Variants in EXOC4 observed in about 807,000 individuals in gnomAD.
EXOC4 encodes SEC8-like 1.
In EXOC4, 71 loss-of-function variants were observed where a neutral mutation model predicts 107.2. The observed-to-expected ratio is 0.66, with a 90% CI of 0.55 to 0.81. The LOEUF (loss-of-function observed/expected upper bound fraction) is 0.81. Among genes scored for constraint, EXOC4 ranks in the 30% least tolerant of loss-of-function variants. The pLI is 0.00. For missense variants in EXOC4, 1,108 were observed against 1,189.6 expected, an observed-to-expected ratio of 0.93 and a Z score of 1.01; for synonymous variants, 456 against 441.2, an observed-to-expected ratio of 1.03 and a Z score of -0.42.
chr7:133,795,883 C>T (rs78035610), intron 10 of EXOC4, among the ~76,000 whole-genome samples: 3,865 of 152,156 alleles, frequency 0.025, 73 homozygotes, highest in Non-Finnish European at 0.038. Context: ...TTATTATTCA[C>T]GTTTTAAAAA....
chr7:133,823,895 TTA>T lies in EXOC4; in HGVS notation c.1734+6366_1734+6367del, dbSNP rs1157364204. ...TATTATATATATATATATATATATT[TTA>T]TATATATATATATAAATATATATAT... On this transcript the variant is annotated intron_variant, in intron 11 of 17. Coordinates refer to ENST00000253861, the MANE Select transcript of EXOC4 (RefSeq NM_021807.4). 0.011 allele frequency among the ~76,000 whole-genome samples: 201 copies of T among 17,858 alleles called. 7 individuals carry two copies. In the Middle Eastern group the frequency reaches 0.13, roughly 12 times the overall value. 11.7% of individuals were successfully genotyped at this position (17,858 alleles called of 152,430 possible). A position where few individuals can be genotyped will look rare whatever the true frequency, so the allele number is the denominator to read the frequency against.
At chr7:133,268,623 G>GA (rs1241397968) in intron 1 of EXOC4, among the ~76,000 whole-genome samples, 1 of 152,162 alleles carries the variant, frequency 6.6e-6, no homozygotes, top group Non-Finnish European at 1.5e-5. Context: ...CGTCTACACT[G>GA]AAATACAGAG....
chr7:133,789,426 C>G (rs533049845), intron 10 of EXOC4, among the ~76,000 whole-genome samples: 2 of 152,142 alleles, frequency 1.3e-5, no homozygotes, highest in African/African-American at 4.8e-5. Context: ...ATTTTGCTTT[C>G]GATGACTTGT....
chr7:133,294,841 G>T (rs1322586014), intron 3 of EXOC4, among the ~76,000 whole-genome samples: 1 of 152,042 alleles, frequency 6.6e-6, no homozygotes, highest in Non-Finnish European at 1.5e-5. Flanking sequence ...ATGGTGGGTT[G>T]TGAATGTCAG....
At chr7:133,374,469 G>A (rs1796443323) in intron 6 of EXOC4, among the ~76,000 whole-genome samples, 1 of 152,154 alleles carries the variant, frequency 6.6e-6, no homozygotes, top group African/African-American at 2.4e-5. Flanking sequence ...AAAATTACAT[G>A]AATTCCTTGG....
intron 10 of EXOC4, among the ~76,000 whole-genome samples, chr7:133,786,919 CAT>C (rs1420784612): frequency 1.3e-5 from 2 of 152,190 alleles, no homozygotes; most frequent in African/African-American, 4.8e-5. Context: ...TTGTAGAAAA[CAT>C]AAGGAAGTTG....
intron 7 of EXOC4, among the ~76,000 whole-genome samples, chr7:133,454,605 C>T (rs1436814217): frequency 1.3e-5 from 2 of 152,212 alleles, no homozygotes; most frequent in Non-Finnish European, 2.9e-5. Context: ...CCACTGCCTT[C>T]ATTTCTTCTG....
chr7:133,405,392 T>G (rs1797193662), intron 7 of EXOC4, among the ~76,000 whole-genome samples: 1 of 152,164 alleles, frequency 6.6e-6, no homozygotes, highest in Non-Finnish European at 1.5e-5. Context: ...AAACGTTAAA[T>G]TTTTCCCTTT....
chr7:133,350,920 A>G (rs1227884634), intron 5 of EXOC4, among the ~76,000 whole-genome samples: 1 of 152,020 alleles, frequency 6.6e-6, no homozygotes, highest in African/African-American at 2.4e-5. Flanking sequence ...TATATATATT[A>G]TAGCTTTCAT....
At chr7:133,952,490 G>C (rs1434867276) in intron 14 of EXOC4, among the ~76,000 whole-genome samples, 1 of 152,144 alleles carries the variant, frequency 6.6e-6, no homozygotes, top group Non-Finnish European at 1.5e-5. Flanking sequence ...ATGGAAATTT[G>C]TGTTCTTTTT....
chr7:133,558,206 CTTTTCTTTTCTTTTCT>C (rs1800735843), intron 9 of EXOC4, among the ~76,000 whole-genome samples: 1 of 134,382 alleles, frequency 7.4e-6, no homozygotes, highest in South Asian at 2.3e-4. Context: ...CTTTTCTTTT[CTTTTCTTTTCTTTTCT>C]TTTCTTTTCT....
At chr7:133,337,867 A>G (rs1317059065) in intron 5 of EXOC4, among the ~76,000 whole-genome samples, 1 of 152,028 alleles carries the variant, frequency 6.6e-6, no homozygotes, top group Non-Finnish European at 1.5e-5. Flanking sequence ...CCTGGATTCA[A>G]GTAATCCACC....
Position 133,907,681 on chromosome 7 carries a change from A to G in EXOC4, c.1872-9902A>G, listed in dbSNP as rs1382755948. Reference sequence around the variant, plus strand: ...TGGTAAAACCCCATCTCTACTAAATATACAAATATTAGCTGGGCATGGTGG... The same window carrying G: ...TGGTAAAACCCCATCTCTACTAAATGTACAAATATTAGCTGGGCATGGTGG... On this transcript the variant is annotated intron_variant, in intron 12 of 17. Transcript: ENST00000253861. Among the ~76,000 whole-genome samples, 4 of 152,148 alleles carry G rather than the reference A, an allele frequency of 2.6e-5. No individual in the cohort carries two copies. The South Asian group carries it at 6.2e-4, about 24-fold the overall frequency.
At chr7:133,585,296 A>T (rs778994161) in intron 9 of EXOC4, among the ~76,000 whole-genome samples, 1 of 152,206 alleles carries the variant, frequency 6.6e-6, no homozygotes, top group Non-Finnish European at 1.5e-5. Flanking sequence ...TTATGTGTAA[A>T]CTAGACCATG....
chr7:133,807,102 A>G (rs1344392329), intron 10 of EXOC4, among the ~76,000 whole-genome samples: 1 of 152,160 alleles, frequency 6.6e-6, no homozygotes, highest in Non-Finnish European at 1.5e-5. Context: ...TCATATACGC[A>G]GGTTCTGCAG....
At chr7:133,962,066 A>T (rs1236884726) in intron 14 of EXOC4, among the ~76,000 whole-genome samples, 1 of 152,168 alleles carries the variant, frequency 6.6e-6, no homozygotes, top group Non-Finnish European at 1.5e-5. Flanking sequence ...CCTCTTTGCT[A>T]TCTCCTAGCA....
intron 11 of EXOC4, among the ~76,000 whole-genome samples, chr7:133,848,287 G>T (rs1177364877): frequency 2.0e-5 from 3 of 152,024 alleles, no homozygotes; most frequent in Non-Finnish European, 4.4e-5. Flanking sequence ...ATGCCCCCAG[G>T]GTCTGTGATA....
At chr7:133,822,344 A>T (rs1475307154) in intron 11 of EXOC4, among the ~76,000 whole-genome samples, 1 of 152,168 alleles carries the variant, frequency 6.6e-6, no homozygotes, top group Non-Finnish European at 1.5e-5. Flanking sequence ...TGATTTGGAG[A>T]TGCCATTTAA....
intron 7 of EXOC4, among the ~76,000 whole-genome samples, chr7:133,394,494 AGCAT>A (rs1796927090): frequency 6.6e-6 from 1 of 152,160 alleles, no homozygotes; most frequent in African/African-American, 2.4e-5. Flanking sequence ...AGTTAATCAG[AGCAT>A]GCATTTCACT....
Sources: gnomAD v4.1 joint callset for allele counts (sites outside exome capture counted in the v4.1 genomes callset) on GRCh38, gnomAD v4.1.1 for gene constraint, MANE v1.5 for transcripts, NCBI Gene and HGNC (gene_info 2026-07-23, HGNC 2026-07-21) for gene names.